Variants in EVL observed in about 807,000 individuals in gnomAD.
EVL encodes the protein ena/VASP-like protein.
Under a neutral mutation model 59.6 loss-of-function variants are expected in EVL, and 21 were observed. That is an observed-to-expected ratio of 0.35 (90% CI 0.25 to 0.51). EVL has a LOEUF of 0.51. Among genes scored for constraint, EVL ranks in the 20% least tolerant of loss-of-function variants. The pLI is 0.97. For missense variants in EVL, 462 were observed against 546.6 expected (o/e 0.85, Z 1.54); for synonymous variants, 198 against 203.5 (o/e 0.97, Z 0.23).
chr14:99,987,515 G>T (rs549537288), intron 1 of EVL, among the ~76,000 whole-genome samples: 1 of 152,160 alleles, frequency 6.6e-6, no homozygotes. Context: ...GGTGGCACAC[G>T]CCTGTAATCC....
intron 4 of EVL, among the ~76,000 whole-genome samples, chr14:100,126,388 C>T (rs1284717322): frequency 6.6e-6 from 1 of 152,204 alleles, no homozygotes; most frequent in Non-Finnish European, 1.5e-5. Flanking sequence ...CACAGGCTCC[C>T]AAAAGCCAGG....
At chr14:100,107,535 A>T in intron 3 of EVL, 1 of 381,136 alleles carries the variant, frequency 2.6e-6, no homozygotes, top group East Asian at 3.8e-5. Context: ...TTCCTCCACT[A>T]GCATTCCCTC....
Position 100,098,092 on chromosome 14 carries a change from T to C in EVL, c.358+434T>C, listed in dbSNP as rs546666335. 3.3e-5 allele frequency among the ~76,000 whole-genome samples: 5 copies of C among 152,330 alleles called. No individual in the cohort carries two copies. The South Asian group carries it at 8.3e-4, about 25-fold the overall frequency. On this transcript the variant is annotated intron_variant, in intron 3 of 13. Coordinates refer to ENST00000392920, the MANE Select transcript of EVL (RefSeq NM_016337.3). ...CCGTGTAGGCAAAATAGATAAGAAA[T>C]GAACAGCGGCCTTCCCCTCAAGGCA... is the stretch of plus-strand genomic sequence containing the variant.
chr14:100,065,872 C>G (rs769962275), intron 1 of EVL, among the ~76,000 whole-genome samples: 9 of 152,074 alleles, frequency 5.9e-5, no homozygotes, highest in Non-Finnish European at 8.8e-5. Context: ...GAGTCCTGGC[C>G]CTTCTCTCTA....
intron 3 of EVL, among the ~76,000 whole-genome samples, chr14:100,100,003 C>CAAAAA (rs34709493): frequency 9.4e-5 from 2 of 21,198 alleles, no homozygotes; most frequent in African/African-American, 1.5e-4. Context: ...ACCTTGGGGG[C>CAAAAA]AAAAAAAAAA....
At chr14:100,095,213 A>G (rs970547228) in intron 2 of EVL, among the ~76,000 whole-genome samples, 4 of 152,234 alleles carry the variant, frequency 2.6e-5, no homozygotes, top group Non-Finnish European at 5.9e-5. Context: ...TCTCTTAACC[A>G]TTCCTGATAT....
At position 100,052,411 on chromosome 14, in the gene EVL, G is replaced by A. The variant is rs548168597; in HGVS notation, c.6-32276G>A. Among the ~76,000 whole-genome samples the A allele has an allele frequency of 1.2e-4, 18 of 151,932 alleles. 1 individual carries two copies. In the South Asian group the frequency reaches 3.3e-3, roughly 28 times the overall value. The stretch of plus-strand genomic sequence containing the variant: ...ATGTTTCTAAATATTACATCTTTTC[G>A]CAACCATTTAAATTTACCTTGAAAA... On this transcript the variant is annotated intron_variant, in intron 1 of 13. Coordinates refer to the EVL transcript ENST00000402714.
intron 1 of EVL, among the ~76,000 whole-genome samples, chr14:100,026,891 C>T (rs889512698): frequency 6.6e-6 from 1 of 152,100 alleles, no homozygotes; most frequent in Non-Finnish European, 1.5e-5. Context: ...ATCCCCGGGG[C>T]CTGTTGGAAT....
Position 100,010,601 on chromosome 14 carries a change from T to G in EVL, c.5+38544T>G, listed in dbSNP as rs137874680. On this transcript the variant is annotated intron_variant, in intron 1 of 13. Transcript: ENST00000402714. Reference sequence around the variant, plus strand: ...TAGTAGAGACAGGGTTTCGCCATGTTGGCCAGGCTGGTCTCAAACTCCTGA... The same window carrying G: ...TAGTAGAGACAGGGTTTCGCCATGTGGGCCAGGCTGGTCTCAAACTCCTGA... Among the ~76,000 whole-genome samples, 1,022 of 152,310 alleles carry G rather than the reference T, an allele frequency of 6.7e-3. 8 individuals carry two copies. The highest frequency in any genetic ancestry group is 0.023 in the African/African-American group (973 of 41,566).
intron 2 of EVL, among the ~76,000 whole-genome samples, chr14:100,087,450 T>TA (rs988783900): frequency 1.7e-4 from 26 of 152,038 alleles, no homozygotes; most frequent in African/African-American, 4.1e-4. Flanking sequence ...CCCATCTCTA[T>TA]AAAAAAATAT....
chr14:100,061,561 T>C (rs534786734), upstream of EVL, among the ~76,000 whole-genome samples: 2 of 151,590 alleles, frequency 1.3e-5, no homozygotes, highest in South Asian at 4.2e-4. Context: ...TAAAGACTTT[T>C]ATTTCTTCAA....
chr14:100,085,990 G>A (rs889141251), intron 2 of EVL, among the ~76,000 whole-genome samples: 7 of 152,164 alleles, frequency 4.6e-5, no homozygotes, highest in Admixed American at 1.3e-4. Context: ...TTAGCCGGGC[G>A]TGGTGGCGGG....
chr14:100,017,711 T>C (rs2061062014), intron 1 of EVL, among the ~76,000 whole-genome samples: 1 of 152,234 alleles, frequency 6.6e-6, no homozygotes, highest in Non-Finnish European at 1.5e-5. Context: ...ATTATGATTC[T>C]GCCAAGAAGC....
At chr14:100,051,275 TGCTGTCCAC>T (rs1473484653) in intron 1 of EVL, among the ~76,000 whole-genome samples, 1 of 152,218 alleles carries the variant, frequency 6.6e-6, no homozygotes, top group African/African-American at 2.4e-5. Flanking sequence ...AGCCTGTCCA[TGCTGTCCAC>T]GCTACCTGCT....
intron 1 of EVL, among the ~76,000 whole-genome samples, chr14:100,074,158 C>T (rs2062111721): frequency 6.6e-6 from 1 of 152,168 alleles, no homozygotes; most frequent in African/African-American, 2.4e-5. Context: ...ATTCCACAGA[C>T]AGGACCCGAC....
chr14:100,125,396 G>C (rs1361280420), intron 4 of EVL, among the ~76,000 whole-genome samples: 1 of 152,162 alleles, frequency 6.6e-6, no homozygotes, highest in Non-Finnish European at 1.5e-5. Context: ...CAGTACCATA[G>C]GTTCAGACCT....
At chr14:100,132,422 C>T (rs1245910924) in intron 7 of EVL, among the ~76,000 whole-genome samples, 1 of 152,074 alleles carries the variant, frequency 6.6e-6, no homozygotes, top group Non-Finnish European at 1.5e-5. Context: ...CTCCCCTCCA[C>T]GCCTCAGATG....
At chr14:100,141,696 C>T (rs1209262211) in intron 12 of EVL, 40 bp from the exon 13 acceptor site, 1 of 1,605,134 alleles carries the variant, frequency 6.2e-7, no homozygotes, top group Non-Finnish European at 8.5e-7. Flanking sequence ...TTTCCGTCTC[C>T]ACTGCCTGTC....
At chr14:100,049,888 A>G (rs1414029614) in intron 1 of EVL, among the ~76,000 whole-genome samples, 1 of 152,186 alleles carries the variant, frequency 6.6e-6, no homozygotes, top group African/African-American at 2.4e-5. Flanking sequence ...TATCGTATAC[A>G]TGGAATCAGA....
Sources: gnomAD v4.1 joint callset for allele counts (sites outside exome capture counted in the v4.1 genomes callset) on GRCh38, gnomAD v4.1.1 for gene constraint, MANE v1.5 for transcripts, NCBI Gene and HGNC (gene_info 2026-07-23, HGNC 2026-07-21) for gene names.